CCDC126: variants seen among roughly 807,000 people sequenced by gnomAD.
CCDC126 encodes the protein coiled-coil domain containing 126, also known as coiled-coil domain-containing protein 126.
In CCDC126, 5 loss-of-function variants were observed where a neutral mutation model predicts 11.7. The observed-to-expected ratio is 0.43, with a 90% confidence interval of 0.22 to 0.90. CCDC126 has a LOEUF of 0.90. Among genes scored for constraint, CCDC126 ranks in the 40% least tolerant of loss-of-function variants. The pLI, the probability that CCDC126 is intolerant of heterozygous loss-of-function variation, is 0.27. For synonymous variants in CCDC126, 60 were observed against 61.9 expected, an observed-to-expected ratio of 0.97 and a Z score of 0.14; for missense variants, 150 against 163.1, an observed-to-expected ratio of 0.92 and a Z score of 0.44.
chr7:23,620,240 C>T (rs1476716836), intron 3 of CCDC126, among the ~76,000 whole-genome samples: 3 of 152,082 alleles, frequency 2.0e-5, no homozygotes, highest in Non-Finnish European at 2.9e-5. Context: ...CTCTCCAGCA[C>T]CTGTTGTTTC....
chr7:23,609,958 A>G (rs939550295), intron 2 of CCDC126, among the ~76,000 whole-genome samples: 13 of 152,194 alleles, frequency 8.5e-5, no homozygotes, highest in Non-Finnish European at 1.5e-4. Context: ...TTCTGACTCG[A>G]GATACATTTC....
At position 23,640,505 on chromosome 7, in the gene CCDC126, A is replaced by G. The variant is rs866792297; in HGVS notation, c.239-2426A>G. The stretch of plus-strand genomic sequence containing the variant: ...AGAGTGAAACTCTGTCTCAAAAAAA[A>G]AAATTTTTTTTTTAAATATGCAATT... On this transcript the variant is annotated intron_variant, in intron 3 of 3. Transcript: ENST00000307471. 3.3e-5 allele frequency among the ~76,000 whole-genome samples: 5 copies of G among 152,274 alleles called. 1 individual carries two copies. The highest frequency in any genetic ancestry group is 1.2e-4 in the African/African-American group (5 of 41,544).
intron 3 of CCDC126, among the ~76,000 whole-genome samples, chr7:23,631,426 G>T (rs963864963): frequency 6.6e-6 from 1 of 152,016 alleles, no homozygotes; most frequent in Non-Finnish European, 1.5e-5. Context: ...ACAAATTGCC[G>T]CAATCCACCC....
chr7:23,626,860 A>G (rs1783024303), intron 3 of CCDC126, among the ~76,000 whole-genome samples: 1 of 152,206 alleles, frequency 6.6e-6, no homozygotes. Context: ...TCAACTTTAT[A>G]ATGACCTGTA....
At chr7:23,605,068 C>G (rs1782600200) in intron 2 of CCDC126, among the ~76,000 whole-genome samples, 1 of 150,976 alleles carries the variant, frequency 6.6e-6, no homozygotes, top group Non-Finnish European at 1.5e-5. Flanking sequence ...TGGAGTGCAA[C>G]TTTTTGAAAA....
intron 2 of CCDC126, among the ~76,000 whole-genome samples, chr7:23,605,173 A>T (rs945212976): frequency 2.0e-5 from 3 of 152,218 alleles, no homozygotes; most frequent in Non-Finnish European, 4.4e-5. Flanking sequence ...GCAATTGTAT[A>T]GACCCTGAGG....
chr7:23,617,209 G>A lies in CCDC126; in HGVS notation c.238+5656G>A, dbSNP rs188846655. 1.1e-3 allele frequency among the ~76,000 whole-genome samples: 163 copies of A among 151,786 alleles called. 5 individuals carry two copies. The East Asian group carries it at 0.029, about 27-fold the overall frequency. On this transcript the variant is annotated intron_variant, in intron 3 of 3. Coordinates refer to ENST00000307471, the MANE Select transcript of CCDC126 (RefSeq NM_138771.4). ...CTAAAAATACGAAAATTATCTGGAC[G>A]TGGTGGCACACACCTGTAATCCTAG... is the stretch of plus-strand genomic sequence containing the variant.
intron 3 of CCDC126, among the ~76,000 whole-genome samples, chr7:23,630,578 G>A (rs554882037): frequency 4.0e-5 from 6 of 151,850 alleles, no homozygotes; most frequent in South Asian, 2.1e-4. Flanking sequence ...AGGCCAAGGT[G>A]GGCAGATTGC....
At chr7:23,597,928 G>C (rs1454951113) in intron 1 of CCDC126, 39 bp from the exon 2 acceptor site, 2 of 152,252 alleles carry the variant, frequency 1.3e-5, no homozygotes, top group Admixed American at 1.3e-4. Context: ...TGTAGATCCC[G>C]GGCGGCACCG....
At position 23,597,484 on chromosome 7, in the gene CCDC126, C is replaced by G. The variant is rs886177060; in HGVS notation, c.-352C>G. 2 of 152,280 alleles carry G rather than the reference C, an allele frequency of 1.3e-5. No individual in the cohort carries two copies. The highest frequency in any genetic ancestry group is 4.8e-5 in the African/African-American group (2 of 41,454). The allele number at this position is 152,280 out of a possible 1,614,324, so 9.4% of individuals were successfully genotyped here. A position where few individuals can be genotyped will look rare whatever the true frequency, so the allele number is the denominator to read the frequency against. Reference sequence around the variant, plus strand: ...CCCACCCACCGGCGTTTCTCCAGCTCGATCTGGAGGCTGCTTCGCCAGTGT... The same window carrying G: ...CCCACCCACCGGCGTTTCTCCAGCTGGATCTGGAGGCTGCTTCGCCAGTGT... On this transcript the variant is annotated 5_prime_UTR_variant, in exon 1 of 4. Coordinates refer to ENST00000307471, the MANE Select transcript of CCDC126 (RefSeq NM_138771.4).
chr7:23,602,399 A>T (rs184161598), intron 2 of CCDC126, among the ~76,000 whole-genome samples: 57 of 152,316 alleles, frequency 3.7e-4, no homozygotes, highest in Middle Eastern at 3.4e-3. Context: ...ACCAATAAGA[A>T]TATATTTTTC....
intron 3 of CCDC126, among the ~76,000 whole-genome samples, chr7:23,640,336 A>G (rs982624895): frequency 3.3e-5 from 5 of 151,228 alleles, no homozygotes; most frequent in Admixed American, 1.3e-4. Context: ...CACATCTACT[A>G]AAAATACAAA....
intron 3 of CCDC126, among the ~76,000 whole-genome samples, chr7:23,614,507 A>G (rs12673983): frequency 0.11 from 16,900 of 152,184 alleles, 1,232 homozygotes; most frequent in South Asian, 0.16. Context: ...AAATGTTGAC[A>G]TTTTTACCTC....
rs542868687 is a variant in CCDC126, at chr7:23,604,608, G to A, written c.-146+6557G>A. Among the ~76,000 whole-genome samples the A allele has an allele frequency of 3.3e-5, 5 of 152,192 alleles. No individual in the cohort carries two copies. The South Asian group carries it at 1.0e-3, about 32-fold the overall frequency. On this transcript the variant is annotated intron_variant, in intron 2 of 3. Transcript: ENST00000307471. ...AGTTATTCTTTACCAGTATTAAATA[G>A]GTATTGTTGTCCCCATTATATAAGT... is the stretch of plus-strand genomic sequence containing the variant.
chr7:23,641,714 C>T (rs749204901), intron 3 of CCDC126, among the ~76,000 whole-genome samples: 6 of 152,080 alleles, frequency 3.9e-5, no homozygotes, highest in Non-Finnish European at 7.4e-5. Context: ...TTCTGGGAAA[C>T]CTGAGAAAGA....
chr7:23,637,567 G>A (rs1162972596), intron 3 of CCDC126, among the ~76,000 whole-genome samples: 3 of 18,242 alleles, frequency 1.6e-4, no homozygotes, highest in South Asian at 2.7e-3. Context: ...CGCCCCTTCC[G>A]GGAGGTGAGG....
intron 3 of CCDC126, chr7:23,622,610 G>A: frequency 3.7e-6 from 2 of 536,448 alleles, no homozygotes; most frequent in Non-Finnish European, 7.6e-6. Flanking sequence ...GAAGTATTGA[G>A]TGGCTCTAAG....
chr7:23,615,346 C>G (rs541790297), intron 3 of CCDC126, among the ~76,000 whole-genome samples: 5 of 152,312 alleles, frequency 3.3e-5, no homozygotes, highest in African/African-American at 9.6e-5. Context: ...GAGTTGGGGT[C>G]TTGCTCTGGA....
At chr7:23,623,215 G>C (rs1201287971) in intron 3 of CCDC126, among the ~76,000 whole-genome samples, 2 of 150,512 alleles carry the variant, frequency 1.3e-5, no homozygotes, top group African/African-American at 4.9e-5. Flanking sequence ...ATATGCCTCA[G>C]CCTCCCAAGG....
Sources: allele counts gnomAD v4.1 joint callset (sites outside exome capture counted in the v4.1 genomes callset), GRCh38; gene constraint gnomAD v4.1.1; transcripts MANE v1.5; gene names NCBI Gene and HGNC (gene_info 2026-07-23, HGNC 2026-07-21).